Variants in FBXL7 observed in about 807,000 individuals in gnomAD.
FBXL7 encodes the protein F-box/LRR-repeat protein 7.
In FBXL7, 12 loss-of-function variants were observed where a neutral mutation model predicts 38.3. The observed-to-expected ratio is 0.31, with a 90% CI of 0.20 to 0.51. The LOEUF is 0.51. Ranked by LOEUF, FBXL7 falls within the 20% of genes least tolerant of loss-of-function variation. The pLI is 0.98. For missense variants in FBXL7, 567 were observed against 676.4 expected (o/e 0.84, Z 1.79); for synonymous variants, 297 against 300.9 (o/e 0.99, Z 0.13).
intron 2 of FBXL7, among the ~76,000 whole-genome samples, chr5:15,663,916 T>G (rs908136373): frequency 2.0e-5 from 3 of 152,224 alleles, no homozygotes; most frequent in Non-Finnish European, 2.9e-5. Context: ...TTGATGTCTT[T>G]TTTTTCTAAT....
intron 2 of FBXL7, among the ~76,000 whole-genome samples, chr5:15,763,373 A>G (rs377426163): frequency 3.5e-4 from 54 of 152,362 alleles, no homozygotes; most frequent in African/African-American, 1.2e-3. Flanking sequence ...TTACTTAACA[A>G]TTTACATAAA....
At chr5:15,901,028 A>G (rs1741220945) in intron 2 of FBXL7, among the ~76,000 whole-genome samples, 1 of 152,228 alleles carries the variant, frequency 6.6e-6, no homozygotes, top group Admixed American at 6.5e-5. Context: ...AATTAGAAAA[A>G]TCAGAAGTAG....
intron 2 of FBXL7, among the ~76,000 whole-genome samples, chr5:15,622,125 C>T (rs1053953321): frequency 6.6e-6 from 1 of 151,842 alleles, no homozygotes; most frequent in African/African-American, 2.4e-5. Context: ...TTATATTGGG[C>T]CTGATTTATT....
intron 2 of FBXL7, among the ~76,000 whole-genome samples, chr5:15,771,850 T>G (rs2126711460): frequency 6.6e-6 from 1 of 150,824 alleles, no homozygotes; most frequent in South Asian, 2.1e-4. Flanking sequence ...TCACTGAAAC[T>G]TCCGCCTGCT....
intron 2 of FBXL7, among the ~76,000 whole-genome samples, chr5:15,847,595 A>G (rs1337303414): frequency 6.6e-6 from 1 of 152,230 alleles, no homozygotes; most frequent in South Asian, 2.1e-4. Context: ...TATGCATATG[A>G]AAGAATTTCA....
At chr5:15,899,842 A>G (rs1359136795) in intron 2 of FBXL7, among the ~76,000 whole-genome samples, 2 of 152,246 alleles carry the variant, frequency 1.3e-5, no homozygotes, top group Non-Finnish European at 2.9e-5. Context: ...TGTTGGTGGT[A>G]ATGACCAAAG....
chr5:15,882,367 G>A (rs1422042035), intron 2 of FBXL7, among the ~76,000 whole-genome samples: 7 of 152,170 alleles, frequency 4.6e-5, no homozygotes, highest in African/African-American at 1.7e-4. Context: ...TGGGCTCAGT[G>A]ACTAGCCAGA....
intron 2 of FBXL7, among the ~76,000 whole-genome samples, chr5:15,826,933 T>C (rs937018855): frequency 6.6e-6 from 1 of 151,610 alleles, no homozygotes; most frequent in African/African-American, 2.4e-5. Context: ...TTTTTTTTTT[T>C]CCACGAGAAA....
chr5:15,785,502 GA>G (rs1352844715), intron 2 of FBXL7, among the ~76,000 whole-genome samples: 1 of 152,200 alleles, frequency 6.6e-6, no homozygotes, highest in Admixed American at 6.5e-5. Context: ...CACGGAAGAA[GA>G]GGGCAATAGT....
At chr5:15,702,222 G>A (rs2126633887) in intron 2 of FBXL7, among the ~76,000 whole-genome samples, 1 of 135,120 alleles carries the variant, frequency 7.4e-6, no homozygotes, top group East Asian at 2.2e-4. Flanking sequence ...TGGAAACAAA[G>A]CGAGACTCCT....
At chr5:15,550,343 C>T (rs1580364996) in intron 1 of FBXL7, among the ~76,000 whole-genome samples, 1 of 152,056 alleles carries the variant, frequency 6.6e-6, no homozygotes, top group African/African-American at 2.4e-5. Flanking sequence ...TTAACAGGCT[C>T]AGGTAGCTGA....
At chr5:15,504,368 A>C (rs1736586915) in intron 1 of FBXL7, among the ~76,000 whole-genome samples, 1 of 152,204 alleles carries the variant, frequency 6.6e-6, no homozygotes, top group Admixed American at 6.5e-5. Flanking sequence ...AAATCAGTAA[A>C]TATTCCTCCC....
intron 1 of FBXL7, among the ~76,000 whole-genome samples, chr5:15,592,001 T>C (rs1457388184): frequency 1.3e-5 from 2 of 152,236 alleles, no homozygotes; most frequent in East Asian, 1.9e-4. Flanking sequence ...TGAGCCACCG[T>C]GCCCGAGGTT....
At chr5:15,705,627 A>T (rs953652742) in intron 2 of FBXL7, among the ~76,000 whole-genome samples, 1 of 152,196 alleles carries the variant, frequency 6.6e-6, no homozygotes, top group Non-Finnish European at 1.5e-5. Context: ...GATGTTCAAA[A>T]TAGGAAAATA....
At chr5:15,824,674 T>G (rs562217178) in intron 2 of FBXL7, among the ~76,000 whole-genome samples, 1 of 152,326 alleles carries the variant, frequency 6.6e-6, no homozygotes, top group South Asian at 2.1e-4. Flanking sequence ...AGACAAACCT[T>G]CTAAGCTTCC....
chr5:15,651,495 C>G (rs1387462167), intron 2 of FBXL7, among the ~76,000 whole-genome samples: 1 of 152,166 alleles, frequency 6.6e-6, no homozygotes, highest in Non-Finnish European at 1.5e-5. Context: ...CATTAATCTA[C>G]TTGTGCATCT....
chr5:15,652,093 A>C (rs1380857483), intron 2 of FBXL7, among the ~76,000 whole-genome samples: 2 of 152,188 alleles, frequency 1.3e-5, no homozygotes. Flanking sequence ...CAATCTTCAT[A>C]GAATTAAAGA....
intron 2 of FBXL7, among the ~76,000 whole-genome samples, chr5:15,718,029 G>A (rs1261284807): frequency 6.6e-6 from 1 of 152,060 alleles, no homozygotes; most frequent in Non-Finnish European, 1.5e-5. Flanking sequence ...ATGGGATGTG[G>A]GATAATATCC....
chr5:15,792,701 C>T (rs1222657959), intron 2 of FBXL7, among the ~76,000 whole-genome samples: 1 of 152,168 alleles, frequency 6.6e-6, no homozygotes, highest in Non-Finnish European at 1.5e-5. Context: ...TGCTCTACAG[C>T]ACCACCTCCC....
Sources: allele counts gnomAD v4.1 joint callset (sites outside exome capture counted in the v4.1 genomes callset), GRCh38; gene constraint gnomAD v4.1.1; transcripts MANE v1.5; gene names NCBI Gene and HGNC (gene_info 2026-07-23, HGNC 2026-07-21).